The following BMPR1B variants were observed in gnomAD, a reference collection of about 807,000 sequenced individuals.
BMPR1B encodes the protein bone morphogenetic protein receptor type 1B.
A neutral mutation model predicts 59.1 loss-of-function variants in BMPR1B; 12 were observed. The observed-to-expected ratio is 0.20, with a 90% CI of 0.13 to 0.33. BMPR1B has a LOEUF of 0.33. BMPR1B is among the 10% of genes least tolerant of loss of function. BMPR1B has a pLI of 1.00. For synonymous variants in BMPR1B, 237 were observed against 207.3 expected (o/e 1.14, Z -1.23); for missense variants, 550 against 610.9 (o/e 0.90, Z 1.05).
intron 3 of BMPR1B, among the ~76,000 whole-genome samples, chr4:95,054,792 C>G (rs1211264856): frequency 1.3e-5 from 2 of 152,058 alleles, no homozygotes; most frequent in Non-Finnish European, 2.9e-5. Flanking sequence ...ACTGACAGAC[C>G]TAAAAACTAA....
chr4:94,861,284 G>T (rs1725967416), intron 1 of BMPR1B, among the ~76,000 whole-genome samples: 1 of 152,198 alleles, frequency 6.6e-6, no homozygotes, highest in South Asian at 2.1e-4. Context: ...TCTCACAGGT[G>T]TTATGAGGAT....
At chr4:95,099,075 T>TTG in intron 3 of BMPR1B, among the ~76,000 whole-genome samples, 1 of 152,224 alleles carries the variant, frequency 6.6e-6, no homozygotes, top group Non-Finnish European at 1.5e-5. Flanking sequence ...AGATTGTAGA[T>TTG]TATAGAATGT....
chr4:94,885,636 TA>T (rs1412617522), intron 2 of BMPR1B, among the ~76,000 whole-genome samples: 1 of 152,148 alleles, frequency 6.6e-6, no homozygotes, highest in African/African-American at 2.4e-5. Context: ...TAAGTTTATA[TA>T]GAAAAAGGAC....
rs537894163 is a variant in BMPR1B, at chr4:94,814,055, G to T, written c.-183+55987G>T. Reference sequence around the variant, plus strand: ...CGGAATCAGATCAGGGGAGATGTTTGAATATGTTGTGATTATATTTGAGAA... The same window carrying T: ...CGGAATCAGATCAGGGGAGATGTTTTAATATGTTGTGATTATATTTGAGAA... On this transcript the variant is annotated intron_variant, in intron 1 of 12. Coordinates refer to ENST00000515059, the MANE Select transcript of BMPR1B (RefSeq NM_001203.3). Among the ~76,000 whole-genome samples the T allele has an allele frequency of 5.3e-5, 8 of 152,250 alleles. No individual in the cohort carries two copies. In the East Asian group the frequency reaches 1.2e-3, roughly 22 times the overall value.
At chr4:95,065,719 C>G (rs574479605) in intron 3 of BMPR1B, among the ~76,000 whole-genome samples, 3 of 152,070 alleles carry the variant, frequency 2.0e-5, no homozygotes, top group Non-Finnish European at 2.9e-5. Context: ...TCCTCCCTTT[C>G]AGCTTGAAAC....
At chr4:94,981,959 A>G (rs1172826622) in intron 2 of BMPR1B, among the ~76,000 whole-genome samples, 1 of 152,258 alleles carries the variant, frequency 6.6e-6, no homozygotes, top group South Asian at 2.1e-4. Context: ...CACAGAGAAC[A>G]CACACTAGTG....
At chr4:95,023,595 C>T (rs1382246546) in intron 3 of BMPR1B, among the ~76,000 whole-genome samples, 1 of 151,796 alleles carries the variant, frequency 6.6e-6, no homozygotes, top group Admixed American at 6.6e-5. Context: ...CCATGTTGCC[C>T]AGGCTGGTCT....
intron 2 of BMPR1B, among the ~76,000 whole-genome samples, chr4:94,910,980 A>G (rs1728251060): frequency 6.6e-6 from 1 of 152,156 alleles, no homozygotes; most frequent in Non-Finnish European, 1.5e-5. Context: ...GACTTATTAA[A>G]TTGACTCACC....
intron 2 of BMPR1B, among the ~76,000 whole-genome samples, chr4:94,975,571 A>C (rs939490358): frequency 4.0e-5 from 6 of 151,432 alleles, no homozygotes; most frequent in Admixed American, 4.0e-4. Context: ...GGATTTCACC[A>C]TGTTGCCATT....
At chr4:94,994,590 A>G (rs1014529935) in intron 2 of BMPR1B, among the ~76,000 whole-genome samples, 24 of 152,156 alleles carry the variant, frequency 1.6e-4, no homozygotes, top group African/African-American at 5.6e-4. Context: ...CAGCACCTAT[A>G]TACCTGTGTC....
At chr4:94,910,649 T>C (rs1371312661) in intron 2 of BMPR1B, among the ~76,000 whole-genome samples, 2 of 152,126 alleles carry the variant, frequency 1.3e-5, no homozygotes, top group Non-Finnish European at 2.9e-5. Flanking sequence ...GGCTTATGCC[T>C]GTAATCCCAG....
intron 3 of BMPR1B, among the ~76,000 whole-genome samples, chr4:95,029,008 G>C (rs925093791): frequency 6.0e-5 from 9 of 150,906 alleles, no homozygotes; most frequent in Non-Finnish European, 1.3e-4. Flanking sequence ...TAATTGAAAT[G>C]ATCTCTTATC....
chr4:94,870,131 C>T (rs533225232), intron 1 of BMPR1B, among the ~76,000 whole-genome samples: 1 of 152,260 alleles, frequency 6.6e-6, no homozygotes, highest in South Asian at 2.1e-4. Flanking sequence ...TCAGTCTTAA[C>T]TAAATTTTGC....
chr4:95,022,328 A>G (rs1439441705), intron 3 of BMPR1B, among the ~76,000 whole-genome samples: 1 of 152,218 alleles, frequency 6.6e-6, no homozygotes, highest in Non-Finnish European at 1.5e-5. Context: ...GTTGCTAGGT[A>G]AGTGTTCCAA....
chr4:94,895,469 AG>A (rs1271215945), intron 2 of BMPR1B, among the ~76,000 whole-genome samples: 1 of 151,924 alleles, frequency 6.6e-6, no homozygotes, highest in African/African-American at 2.4e-5. Flanking sequence ...TTCATGAAGA[AG>A]TCTCAGCCTG....
chr4:94,782,636 A>G (rs989785010), intron 1 of BMPR1B, among the ~76,000 whole-genome samples: 1 of 152,150 alleles, frequency 6.6e-6, no homozygotes, highest in Admixed American at 6.5e-5. Context: ...CCAGAATTCA[A>G]TTTGAAAAAT....
chr4:95,006,783 C>CCCG (rs1722870389), intron 3 of BMPR1B, among the ~76,000 whole-genome samples: 1 of 152,066 alleles, frequency 6.6e-6, no homozygotes, highest in South Asian at 2.1e-4. Context: ...TCGTGATCCA[C>CCCG]CCGCCTCGGC....
chr4:94,798,934 T>A (rs1723294403), intron 1 of BMPR1B, among the ~76,000 whole-genome samples: 1 of 151,878 alleles, frequency 6.6e-6, no homozygotes, highest in African/African-American at 2.4e-5. Flanking sequence ...GAGAACAAAA[T>A]AGAAGACAGG....
intron 6 of BMPR1B, among the ~76,000 whole-genome samples, chr4:95,118,815 T>A (rs1342036383): frequency 2.0e-5 from 3 of 152,186 alleles, no homozygotes; most frequent in African/African-American, 4.8e-5. Context: ...AAAGGTTTAT[T>A]GATAAGGATC....
Sources: allele counts gnomAD v4.1 joint callset (sites outside exome capture counted in the v4.1 genomes callset), GRCh38; gene constraint gnomAD v4.1.1; transcripts MANE v1.5; gene names NCBI Gene and HGNC (gene_info 2026-07-23, HGNC 2026-07-21).